Variants in PTPRM observed in about 807,000 individuals in gnomAD.
The protein encoded by PTPRM is protein tyrosine phosphatase receptor type M, also known as receptor-type tyrosine-protein phosphatase mu.
A neutral mutation model predicts 186.7 loss-of-function variants in PTPRM; 47 were observed. The ratio of observed to expected loss-of-function variants is 0.25; its 90% CI spans 0.20 to 0.32. The LOEUF (loss-of-function observed/expected upper bound fraction) is 0.32. Ranked by LOEUF, PTPRM falls within the 10% of genes least tolerant of loss-of-function variation. PTPRM has a pLI of 1.00. For synonymous variants in PTPRM, 668 were observed against 674.9 expected (o/e 0.99, Z 0.16); for missense variants, 1,494 against 1,865.0 (o/e 0.80, Z 3.66).
chr18:8,244,780 T>C (rs1224077200), intron 15 of PTPRM, among the ~76,000 whole-genome samples: 1 of 152,142 alleles, frequency 6.6e-6, no homozygotes, highest in Non-Finnish European at 1.5e-5. Context: ...GTAGAAGGCA[T>C]TATTTTAGGA....
At chr18:7,848,651 T>C (rs2046714355) in intron 2 of PTPRM, among the ~76,000 whole-genome samples, 1 of 152,022 alleles carries the variant, frequency 6.6e-6, no homozygotes, top group Non-Finnish European at 1.5e-5. Flanking sequence ...TAGTCCCAGC[T>C]ACTCAGGAAG....
intron 13 of PTPRM, among the ~76,000 whole-genome samples, chr18:8,130,526 CA>C (rs2092478157): frequency 1.3e-5 from 2 of 152,164 alleles, no homozygotes; most frequent in African/African-American, 4.8e-5. Flanking sequence ...GAAAGATCGA[CA>C]GTCTTAATAA....
At chr18:7,697,036 C>G (rs942809252) in intron 1 of PTPRM, among the ~76,000 whole-genome samples, 1 of 152,172 alleles carries the variant, frequency 6.6e-6, no homozygotes, top group African/African-American at 2.4e-5. Flanking sequence ...ATTACTGAAA[C>G]TAACATCTGG....
chr18:8,052,685 C>G, intron 7 of PTPRM, among the ~76,000 whole-genome samples: 1 of 152,160 alleles, frequency 6.6e-6, no homozygotes. Flanking sequence ...TGAAGGAATA[C>G]TATTCTAGGA....
Position 7,639,356 on chromosome 18 carries a change from C to T in PTPRM, c.73+71465C>T, listed in dbSNP as rs190176860. ...AAGTGCTGGGATTACAGGCGTGAGCCACCGCACCCAGCCTGACTTGTATTA... is the reference window on the plus strand; with the variant it reads ...AAGTGCTGGGATTACAGGCGTGAGCTACCGCACCCAGCCTGACTTGTATTA... On this transcript the variant is annotated intron_variant, in intron 1 of 32. Transcript: ENST00000580170. 1.1e-3 allele frequency among the ~76,000 whole-genome samples: 167 copies of T among 150,894 alleles called. 1 individual carries two copies. In the East Asian group the frequency reaches 0.029, roughly 26 times the overall value.
intron 1 of PTPRM, among the ~76,000 whole-genome samples, chr18:7,674,317 C>T (rs1443896084): frequency 1.3e-5 from 2 of 152,168 alleles, no homozygotes; most frequent in Non-Finnish European, 2.9e-5. Flanking sequence ...TGAAACAAAG[C>T]TTCAAGAGTT....
At chr18:7,681,930 G>A (rs961914394) in intron 1 of PTPRM, among the ~76,000 whole-genome samples, 1 of 152,194 alleles carries the variant, frequency 6.6e-6, no homozygotes, top group African/African-American at 2.4e-5. Context: ...GAGTTTGTGA[G>A]TATAACAGAG....
At chr18:7,989,200 T>C (rs1175302750) in intron 7 of PTPRM, among the ~76,000 whole-genome samples, 2 of 152,072 alleles carry the variant, frequency 1.3e-5, no homozygotes, top group African/African-American at 2.4e-5. Context: ...GGCTAATTTT[T>C]TTTTTTTAAT....
intron 14 of PTPRM, among the ~76,000 whole-genome samples, chr18:8,193,644 A>G (rs1006738461): frequency 1.3e-5 from 2 of 152,252 alleles, no homozygotes; most frequent in African/African-American, 4.8e-5. Context: ...AGCAGAGAGC[A>G]GAACACAGTA....
chr18:7,839,916 T>C (rs2046237693), intron 2 of PTPRM, among the ~76,000 whole-genome samples: 1 of 152,008 alleles, frequency 6.6e-6, no homozygotes, highest in Non-Finnish European at 1.5e-5. Flanking sequence ...GCTCCCTTCA[T>C]GGGTGGGCAT....
At chr18:7,635,695 A>G (rs551487411) in intron 1 of PTPRM, among the ~76,000 whole-genome samples, 6 of 152,378 alleles carry the variant, frequency 3.9e-5, no homozygotes, top group South Asian at 2.1e-4. Context: ...GAGCCCAAAC[A>G]TGGCGGAAAC....
At position 8,070,142 on chromosome 18, in the gene PTPRM, C is replaced by T. The variant is rs139862996; in HGVS notation, c.1441+148C>T. The T allele has an allele frequency of 1.0e-3, 735 of 726,976 alleles. 4 individuals carry two copies. In the African/African-American group the frequency reaches 0.012, roughly 11 times the overall value. The allele number at this position is 726,976 out of a possible 1,614,324, so 45.0% of individuals were successfully genotyped here. A position where few individuals can be genotyped will look rare whatever the true frequency, so the allele number is the denominator to read the frequency against. On this transcript the variant is annotated intron_variant, in intron 8 of 32. Transcript: ENST00000580170. ...TGTATCTGTACTCTGTATTCTTAAG[C>T]GCTGATTGAAAGAGGGAAAAGGGAG...
At chr18:7,633,267 G>T (rs2038234201) in intron 1 of PTPRM, among the ~76,000 whole-genome samples, 1 of 152,150 alleles carries the variant, frequency 6.6e-6, no homozygotes, top group African/African-American at 2.4e-5. Context: ...AAGGGGTTCA[G>T]ATTTTGCAAC....
chr18:7,654,351 G>A (rs957295539), intron 1 of PTPRM, among the ~76,000 whole-genome samples: 5 of 151,976 alleles, frequency 3.3e-5, no homozygotes, highest in Non-Finnish European at 7.4e-5. Flanking sequence ...AAATTTTTTT[G>A]TGTGAAAAAT....
At chr18:7,768,245 C>A (rs2144851670) in intron 1 of PTPRM, among the ~76,000 whole-genome samples, 1 of 152,268 alleles carries the variant, frequency 6.6e-6, no homozygotes, top group South Asian at 2.1e-4. Flanking sequence ...TGCCTTAATC[C>A]TAGTGCTTTG....
intron 1 of PTPRM, among the ~76,000 whole-genome samples, chr18:7,623,532 T>G (rs2032176): frequency 0.31 from 46,641 of 152,054 alleles, 11,470 homozygotes; most frequent in African/African-American, 0.67. Flanking sequence ...TTCCATGCTT[T>G]GAAATAGTCT....
chr18:7,867,300 C>T (rs117111710), intron 2 of PTPRM, among the ~76,000 whole-genome samples: 2,020 of 152,270 alleles, frequency 0.013, 31 homozygotes, highest in Middle Eastern at 0.13. Context: ...TGTCGATGTT[C>T]TTTACAATTT....
chr18:8,156,668 A>G (rs1003600603), intron 14 of PTPRM, among the ~76,000 whole-genome samples: 5 of 152,238 alleles, frequency 3.3e-5, no homozygotes, highest in African/African-American at 1.2e-4. Flanking sequence ...AAACTCAAAC[A>G]TGCACCTTGC....
At chr18:8,146,576 G>A (rs1282529494) in intron 14 of PTPRM, among the ~76,000 whole-genome samples, 1 of 151,506 alleles carries the variant, frequency 6.6e-6, no homozygotes, top group Non-Finnish European at 1.5e-5. Flanking sequence ...TGGATAGATT[G>A]CAAAAATTTT....
Sources: gnomAD v4.1 joint callset for allele counts (sites outside exome capture counted in the v4.1 genomes callset) on GRCh38, gnomAD v4.1.1 for gene constraint, MANE v1.5 for transcripts, NCBI Gene and HGNC (gene_info 2026-07-23, HGNC 2026-07-21) for gene names.